ATP10B: variants seen among roughly 807,000 people sequenced by gnomAD.
ATP10B encodes the protein ATPase phospholipid transporting 10B (putative), also known as phospholipid-transporting ATPase VB.
A neutral mutation model predicts 141.2 loss-of-function variants in ATP10B; 122 were observed. The observed-to-expected ratio is 0.86, with a 90% CI of 0.75 to 1.00. The LOEUF (loss-of-function observed/expected upper bound fraction) is 1.00, where lower values mean the gene tolerates loss of function less well. Ranked by LOEUF, ATP10B falls within the 50% of genes least tolerant of loss-of-function variation. The probability of loss-of-function intolerance (pLI) is 0.00; values close to 1 mark genes in which losing one functional copy is unlikely to be tolerated. For missense variants in ATP10B, 1,876 were observed against 1,825.3 expected, an observed-to-expected ratio of 1.03 and a Z score of -0.51; for synonymous variants, 685 against 692.0, an observed-to-expected ratio of 0.99 and a Z score of 0.16.
At chr5:160,859,029 T>C in the ATP10B span, among the ~76,000 whole-genome samples, 1 of 151,958 alleles carries the variant, frequency 6.6e-6, no homozygotes, top group African/African-American at 2.4e-5. Context: ...TCCTTTCTGA[T>C]GTTCCAAGAT....
At chr5:160,709,845 G>A (rs1304072837) in intron 3 of ATP10B, among the ~76,000 whole-genome samples, 1 of 113,392 alleles carries the variant, frequency 8.8e-6, no homozygotes, top group African/African-American at 3.4e-5. Flanking sequence ...CCACCTATGA[G>A]TGAGAATATG....
chr5:160,672,583 C>A (rs1041279092), intron 6 of ATP10B, among the ~76,000 whole-genome samples: 6 of 152,164 alleles, frequency 3.9e-5, no homozygotes, highest in African/African-American at 2.4e-5. Context: ...AAACTAATAT[C>A]CCACATGTGG....
At chr5:160,670,434 A>G (rs780549632) in intron 7 of ATP10B, 29 bp downstream of exon 7, 1 of 1,609,348 alleles carries the variant, frequency 6.2e-7, no homozygotes, top group Non-Finnish European at 8.5e-7. Flanking sequence ...CTATGACTTT[A>G]CCATTGAAGA....
At chr5:160,602,498 GC>G in intron 21 of ATP10B, 78 bp downstream of exon 21, 1 of 1,586,854 alleles carries the variant, frequency 6.3e-7, no homozygotes, top group South Asian at 1.1e-5. Flanking sequence ...GAGGTGCTTT[GC>G]CCACTGCTAG....
At chr5:160,650,143 C>G (rs1760614958) in intron 7 of ATP10B, among the ~76,000 whole-genome samples, 1 of 148,060 alleles carries the variant, frequency 6.8e-6, no homozygotes, top group Admixed American at 6.7e-5. Flanking sequence ...TACACACACA[C>G]ACACATACAT....
chr5:160,721,549 A>G (rs560031194), intron 2 of ATP10B, among the ~76,000 whole-genome samples: 15 of 152,258 alleles, frequency 9.9e-5, no homozygotes, highest in African/African-American at 3.6e-4. Context: ...AAAGTTTCAG[A>G]TGACTGGGAG....
At chr5:160,751,855 A>G (rs1264210657) in intron 2 of ATP10B, among the ~76,000 whole-genome samples, 1 of 152,206 alleles carries the variant, frequency 6.6e-6, no homozygotes, top group Admixed American at 6.5e-5. Context: ...AAGAAAAAGT[A>G]TATTTCACAT....
At chr5:160,647,678 G>A (rs73306642) in intron 8 of ATP10B, among the ~76,000 whole-genome samples, 1,955 of 152,222 alleles carry the variant, frequency 0.013, 45 homozygotes, top group African/African-American at 0.045. Context: ...AGGGATTTGG[G>A]ATGAATCAAG....
intron 24 of ATP10B, among the ~76,000 whole-genome samples, chr5:160,572,432 AT>A (rs1288551107): frequency 6.6e-6 from 1 of 152,128 alleles, no homozygotes; most frequent in African/African-American, 2.4e-5. Context: ...TTTCATAATT[AT>A]TTTAGTAGCT....
chr5:160,570,095 A>G (rs559146660), intron 24 of ATP10B, among the ~76,000 whole-genome samples: 1 of 152,176 alleles, frequency 6.6e-6, no homozygotes, highest in Non-Finnish European at 1.5e-5. Flanking sequence ...TCATTTTCAA[A>G]GCAGCGCAGT....
intron 1 of ATP10B, among the ~76,000 whole-genome samples, chr5:160,788,889 T>C (rs1003628183): frequency 2.0e-5 from 3 of 152,144 alleles, no homozygotes; most frequent in Non-Finnish European, 4.4e-5. Context: ...CAGATGAATA[T>C]AGAAACAGTT....
chr5:160,879,748 G>T, the ATP10B span, among the ~76,000 whole-genome samples: 1 of 152,092 alleles, frequency 6.6e-6, no homozygotes, highest in Admixed American at 6.5e-5. Context: ...TGAGGCAGGG[G>T]AATGGCGTGA....
the ATP10B span, among the ~76,000 whole-genome samples, chr5:160,893,243 G>T: frequency 6.6e-6 from 1 of 152,152 alleles, no homozygotes; most frequent in Non-Finnish European, 1.5e-5. Context: ...GGAGCCAGTG[G>T]TCTAGCTCAG....
At chr5:160,912,647 G>A in the ATP10B span, among the ~76,000 whole-genome samples, 4 of 141,438 alleles carry the variant, frequency 2.8e-5, no homozygotes, top group Non-Finnish European at 6.2e-5. Flanking sequence ...GGAGTAAAGA[G>A]AAGAGAGAAA....
chr5:160,830,964 TACAC>T (rs1474373138), intron 1 of ATP10B, among the ~76,000 whole-genome samples: 2 of 90,300 alleles, frequency 2.2e-5, no homozygotes, highest in Admixed American at 1.2e-4. Context: ...CTCTCATACA[TACAC>T]AAACACACAC....
chr5:160,663,729 T>C (rs1762133177), intron 7 of ATP10B, among the ~76,000 whole-genome samples: 1 of 152,010 alleles, frequency 6.6e-6, no homozygotes, highest in Admixed American at 6.5e-5. Context: ...ACATGGCACA[T>C]GTATACATAT....
chr5:160,866,734 G>T, the ATP10B span, among the ~76,000 whole-genome samples: 2 of 152,052 alleles, frequency 1.3e-5, no homozygotes, highest in African/African-American at 4.8e-5. Flanking sequence ...TTGGGTACTT[G>T]TGGGGAAGGA....
chr5:160,717,230 G>T (rs990336008), intron 2 of ATP10B, among the ~76,000 whole-genome samples, 196 bp from the exon 3 acceptor site: 1 of 152,166 alleles, frequency 6.6e-6, no homozygotes, highest in Non-Finnish European at 1.5e-5. Context: ...GCTTGGAGAA[G>T]GAGAGGAATT....
intron 22 of ATP10B, among the ~76,000 whole-genome samples, chr5:160,596,228 C>G (rs1756685401): frequency 6.6e-6 from 1 of 152,184 alleles, no homozygotes; most frequent in South Asian, 2.1e-4. Context: ...GGATGCAAGG[C>G]TGGTTCAATA....
Sources: gnomAD v4.1 joint callset for allele counts (sites outside exome capture counted in the v4.1 genomes callset) on GRCh38, gnomAD v4.1.1 for gene constraint, MANE v1.5 for transcripts, NCBI Gene and HGNC (gene_info 2026-07-23, HGNC 2026-07-21) for gene names.